LRRIQ3: variants seen among roughly 807,000 people sequenced by gnomAD.
The protein encoded by LRRIQ3 is leucine rich repeats and IQ motif containing 3.
LRRIQ3 carries 75 observed loss-of-function variants against 59.3 expected under a neutral mutation model. The observed-to-expected ratio is 1.26, with a 90% CI of 1.05 to 1.53. The LOEUF is 1.53. Among genes scored for constraint, LRRIQ3 ranks in the 40% most tolerant of loss-of-function variants. The pLI, the probability that LRRIQ3 is intolerant of heterozygous loss-of-function variation, is 0.00. For missense variants in LRRIQ3, 831 were observed against 710.0 expected (o/e 1.17, Z -1.94); for synonymous variants, 250 against 231.3 (o/e 1.08, Z -0.73).
intron 1 of LRRIQ3, among the ~76,000 whole-genome samples, chr1:74,196,957 T>C (rs918388956): frequency 6.6e-6 from 1 of 152,190 alleles, no homozygotes; most frequent in Non-Finnish European, 1.5e-5. Context: ...TTTGTTTCCC[T>C]CAAGAGTAAA....
intron 5 of LRRIQ3, among the ~76,000 whole-genome samples, chr1:74,108,212 T>C (rs901285996): frequency 3.3e-5 from 5 of 151,814 alleles, no homozygotes; most frequent in African/African-American, 1.2e-4. Context: ...TACTCTCTAA[T>C]CATACTCCGA....
At chr1:74,118,141 A>C (rs538690871) in intron 4 of LRRIQ3, among the ~76,000 whole-genome samples, 1 of 152,190 alleles carries the variant, frequency 6.6e-6, no homozygotes, top group East Asian at 1.9e-4. Flanking sequence ...ATAAAAATAC[A>C]CTCACATGTA....
At chr1:74,036,677 C>T (rs746594447) in intron 7 of LRRIQ3, among the ~76,000 whole-genome samples, 32 of 152,082 alleles carry the variant, frequency 2.1e-4, no homozygotes, top group Admixed American at 1.9e-3. Flanking sequence ...TATTTCCCAC[C>T]TCAATTTTCA....
chr1:74,155,939 T>C (rs1648297516), intron 3 of LRRIQ3, 73 bp from the exon 4 acceptor site: 2 of 880,694 alleles, frequency 2.3e-6, no homozygotes, highest in Non-Finnish European at 3.2e-6. Flanking sequence ...TTAAATTTGG[T>C]AATCTATTGG....
At chr1:74,048,626 A>T (rs999887919) in intron 6 of LRRIQ3, among the ~76,000 whole-genome samples, 2 of 152,138 alleles carry the variant, frequency 1.3e-5, no homozygotes, top group Non-Finnish European at 2.9e-5. Context: ...AAATTCAGGG[A>T]TCACAAATAT....
rs1159077820 is a variant in LRRIQ3, at chr1:74,041,548, CA to C, written c.1382del (p.Leu461Ter). 1.9e-6 allele frequency: 3 copies of C among 1,612,184 alleles called. No homozygotes were observed. Among genetic ancestry groups the C allele is most frequent in the Non-Finnish European group, 2.5e-6 (3 of 1,179,508 alleles). On this transcript the variant is annotated frameshift_variant, in exon 7 of 8. Transcript: ENST00000354431. LOFTEE classifies it high-confidence loss of function. The part of the protein sequence containing the change: ...ERVRVAVNEH[L>X]NQKKYATQKL... The stretch of plus-strand genomic sequence containing the variant: ...TTTGTGTAGCATATTTTTTCTGATT[CA>C]AATGTTCATTAACAGCTACTCTAAC...
At chr1:74,149,662 C>T (rs1013047542) in intron 4 of LRRIQ3, among the ~76,000 whole-genome samples, 1 of 152,094 alleles carries the variant, frequency 6.6e-6, no homozygotes, top group East Asian at 1.9e-4. Context: ...CCATTTCATT[C>T]ATTTCTGATA....
At chr1:74,121,932 C>T (rs1326220920) in intron 4 of LRRIQ3, among the ~76,000 whole-genome samples, 1 of 151,996 alleles carries the variant, frequency 6.6e-6, no homozygotes, top group African/African-American at 2.4e-5. Context: ...TTTATGGCTG[C>T]ATAGTATTCC....
chr1:74,191,798 T>A (rs1650782759), intron 1 of LRRIQ3, among the ~76,000 whole-genome samples: 1 of 152,070 alleles, frequency 6.6e-6, no homozygotes, highest in Non-Finnish European at 1.5e-5. Context: ...AAAAGGAAAT[T>A]CATAGCACTG....
intron 4 of LRRIQ3, among the ~76,000 whole-genome samples, chr1:74,154,237 TCTCAAAAAAAAAA>T (rs1648171192): frequency 2.2e-5 from 1 of 44,570 alleles, no homozygotes; most frequent in Non-Finnish European, 3.7e-5. Flanking sequence ...CGAGACTCCT[TCTCAAAAAAAAAA>T]AAAAAAAAAA....
chr1:74,083,019 T>C (rs1646289680), intron 5 of LRRIQ3: 1 of 151,756 alleles, frequency 6.6e-6, no homozygotes, highest in South Asian at 2.1e-4. Flanking sequence ...GTTATGTTTC[T>C]TCTCCGCCAA....
intron 3 of LRRIQ3, among the ~76,000 whole-genome samples, chr1:74,164,918 G>T (rs369118712): frequency 6.6e-6 from 1 of 151,476 alleles, no homozygotes; most frequent in Non-Finnish European, 1.5e-5. Context: ...TTATTGAAAA[G>T]ACTTTTTTAC....
intron 1 of LRRIQ3, 88 bp from the exon 2 acceptor site, chr1:74,183,772 C>T (rs924657258): frequency 8.6e-6 from 10 of 1,163,018 alleles, no homozygotes; most frequent in Non-Finnish European, 1.2e-5. Context: ...AGAGATAGCG[C>T]AAGTAAAAAG....
At chr1:74,049,009 G>A (rs904341435) in intron 6 of LRRIQ3, among the ~76,000 whole-genome samples, 3 of 152,088 alleles carry the variant, frequency 2.0e-5, no homozygotes, top group African/African-American at 7.2e-5. Context: ...AATTAGATTG[G>A]GTGGATAGGA....
At chr1:74,051,851 G>T (rs899875867) in intron 6 of LRRIQ3, among the ~76,000 whole-genome samples, 1 of 151,762 alleles carries the variant, frequency 6.6e-6, no homozygotes, top group African/African-American at 2.4e-5. Flanking sequence ...GTTTGCCTTC[G>T]CCACTCCACT....
chr1:74,070,918 AC>A (rs1390060804), intron 6 of LRRIQ3, among the ~76,000 whole-genome samples: 1 of 151,230 alleles, frequency 6.6e-6, no homozygotes, highest in Non-Finnish European at 1.5e-5. Flanking sequence ...GGAGAAAGAC[AC>A]CTTACCTATT....
At chr1:74,137,879 T>C (rs375178043) in intron 4 of LRRIQ3, among the ~76,000 whole-genome samples, 3 of 151,666 alleles carry the variant, frequency 2.0e-5, no homozygotes, top group South Asian at 2.1e-4. Flanking sequence ...CACTCATATG[T>C]TGGAGTTGAA....
At chr1:74,117,559 A>C (rs534613522) in intron 4 of LRRIQ3, among the ~76,000 whole-genome samples, 35 of 152,278 alleles carry the variant, frequency 2.3e-4, no homozygotes. Flanking sequence ...TGAGGTCAGG[A>C]GTTCCAGGCC....
chr1:74,032,951 A>C (rs951020686), intron 7 of LRRIQ3, among the ~76,000 whole-genome samples: 1 of 152,090 alleles, frequency 6.6e-6, no homozygotes, highest in Non-Finnish European at 1.5e-5. Flanking sequence ...TAAAATATAT[A>C]GAATTTTATA....
Sources: allele counts gnomAD v4.1 joint callset (sites outside exome capture counted in the v4.1 genomes callset), GRCh38; gene constraint gnomAD v4.1.1; transcripts MANE v1.5; gene names NCBI Gene and HGNC (gene_info 2026-07-23, HGNC 2026-07-21).